The following TNS1 variants were observed in gnomAD, a reference collection of about 807,000 sequenced individuals.
The protein encoded by TNS1 is tensin 1, also known as tensin-1.
TNS1 carries 62 observed loss-of-function variants against 168.6 expected under a neutral mutation model. The ratio of observed to expected loss-of-function variants is 0.37; its 90% CI spans 0.30 to 0.45. The LOEUF is 0.45. Among genes scored for constraint, TNS1 ranks in the 20% least tolerant of loss-of-function variants. TNS1 has a pLI of 1.00. For synonymous variants in TNS1, 934 were observed against 933.2 expected (o/e 1.00, Z -0.02); for missense variants, 2,240 against 2,339.4 (o/e 0.96, Z 0.88).
chr2:218,024,594 T>C (rs1958836328), intron 1 of TNS1, among the ~76,000 whole-genome samples: 1 of 151,946 alleles, frequency 6.6e-6, no homozygotes, highest in Non-Finnish European at 1.5e-5. Context: ...CCAGCTTCAT[T>C]CCCCTAATGG....
At chr2:217,881,423 G>A (rs1020431176) in intron 17 of TNS1, 27 of 174,038 alleles carry the variant, frequency 1.6e-4, no homozygotes, top group Admixed American at 1.7e-4. Context: ...TATGAGCTAC[G>A]TGGGATCAGG....
Position 217,812,373 on chromosome 2 carries a change from T to C in TNS1, c.5027A>G (p.Asn1676Ser). The stretch of plus-strand genomic sequence containing the variant: ...CAGGAGTCTCACGTTCCTACCTCGG[T>C]TTGGAATGACCAGCTTGCAAGGCAG... Reference protein sequence around the residue: ...LALPCKLVIPNRDPTDESKDS... With the variant: ...LALPCKLVIPSRDPTDESKDS... The change falls in exon 28 of 33, where the codon AAC becomes AGC. Residue 1676 changes from asparagine to serine, a missense_variant. Asn to Ser is a conservative substitution (Grantham distance 46). Around this residue, in one of 2 missense-constraint regions of TNS1, gnomAD observed 2,131 missense variants for 2,171.2 expected, o/e 0.98. Transcript: ENST00000682258. 1.2e-6 allele frequency: 2 copies of C among 1,613,756 alleles called. No individual in the cohort carries two copies. Among genetic ancestry groups the C allele is most frequent in the Non-Finnish European group, 1.7e-6 (2 of 1,179,898 alleles).
chr2:217,852,269 C>T (rs143532132), intron 18 of TNS1, among the ~76,000 whole-genome samples: 2 of 152,224 alleles, frequency 1.3e-5, no homozygotes, highest in East Asian at 3.9e-4. Context: ...ACAAGTTGGC[C>T]GAAATCTGAA....
chr2:217,858,298 C>T (rs984847384), intron 18 of TNS1, among the ~76,000 whole-genome samples: 5 of 152,200 alleles, frequency 3.3e-5, no homozygotes, highest in South Asian at 4.1e-4. Flanking sequence ...CCACCAGGCC[C>T]GTCACATCCA....
At chr2:217,979,364 C>T (rs1479722833) in intron 2 of TNS1, among the ~76,000 whole-genome samples, 1 of 152,090 alleles carries the variant, frequency 6.6e-6, no homozygotes, top group African/African-American at 2.4e-5. Flanking sequence ...CGCACACACA[C>T]ACAGTCTCAC....
intron 2 of TNS1, among the ~76,000 whole-genome samples, chr2:217,984,442 G>A (rs1286792022): frequency 6.6e-6 from 1 of 151,834 alleles, no homozygotes; most frequent in African/African-American, 2.4e-5. Flanking sequence ...AAGGCAGGGG[G>A]GCACATAAGA....
At chr2:217,924,966 G>A (rs1955937233) in intron 3 of TNS1, among the ~76,000 whole-genome samples, 1 of 152,126 alleles carries the variant, frequency 6.6e-6, no homozygotes. Context: ...TATAAAGCTA[G>A]GGGTACACAA....
chr2:217,879,392 C>T, intron 18 of TNS1: 1 of 452,372 alleles, frequency 2.2e-6, no homozygotes, highest in Non-Finnish European at 4.4e-6. Flanking sequence ...AAATTCGCTC[C>T]AGCCTCTGCT....
intron 1 of TNS1, 48 bp downstream of exon 1, chr2:218,002,792 G>C (rs1194690982): frequency 2.2e-6 from 1 of 456,334 alleles, no homozygotes; most frequent in Admixed American, 2.4e-5. Flanking sequence ...GGTGGGGGGC[G>C]GGGGGTTTGA....
intron 6 of TNS1, among the ~76,000 whole-genome samples, chr2:217,903,402 C>T (rs1307042683): frequency 6.6e-6 from 1 of 152,212 alleles, no homozygotes; most frequent in Non-Finnish European, 1.5e-5. Flanking sequence ...GGGAAAACGA[C>T]TACAGGACTT....
At position 217,808,115 on chromosome 2, in the gene TNS1, G is replaced by A. The variant is rs755704834; in HGVS notation, c.5343-8C>T. The A allele has an allele frequency of 1.1e-5, 17 of 1,612,930 alleles. No homozygotes were observed. The highest frequency in any genetic ancestry group is 1.7e-5 in the Admixed American group (1 of 59,986). On this transcript the variant is annotated splice_region_variant and splice_polypyrimidine_tract_variant and intron_variant, in intron 31 of 32. Coordinates refer to ENST00000682258, the MANE Select transcript of TNS1 (RefSeq NM_001387777.1). Reference sequence around the variant, plus strand: ...CCCTCTGTTTTCATCCACCTGTGGAGAGAAAGTGGGCTCAGGGTAAATCAT... The same window carrying A: ...CCCTCTGTTTTCATCCACCTGTGGAAAGAAAGTGGGCTCAGGGTAAATCAT...
At chr2:217,824,267 G>T (rs894729456) in intron 22 of TNS1, among the ~76,000 whole-genome samples, 1 of 152,124 alleles carries the variant, frequency 6.6e-6, no homozygotes, top group Non-Finnish European at 1.5e-5. Context: ...GGAGCCGTGC[G>T]CCAGGACACA....
At chr2:217,927,233 G>A (rs1168661318) in intron 3 of TNS1, among the ~76,000 whole-genome samples, 1 of 152,218 alleles carries the variant, frequency 6.6e-6, no homozygotes, top group Non-Finnish European at 1.5e-5. Flanking sequence ...AAGGCATGGA[G>A]GTGGGAATGC....
intron 22 of TNS1, among the ~76,000 whole-genome samples, chr2:217,823,781 C>T (rs1943221829): frequency 6.6e-6 from 1 of 152,230 alleles, no homozygotes; most frequent in African/African-American, 2.4e-5. Flanking sequence ...GAGGTCTATT[C>T]TAGGTAGCAG....
intron 3 of TNS1, among the ~76,000 whole-genome samples, chr2:217,978,125 C>G (rs1433362712): frequency 6.6e-6 from 1 of 152,182 alleles, no homozygotes; most frequent in East Asian, 1.9e-4. Flanking sequence ...AACCAGGGCC[C>G]AGCAATCCCT....
upstream of TNS1, among the ~76,000 whole-genome samples, chr2:218,003,775 TTCCTCCC>T (rs1958616610): frequency 6.8e-6 from 1 of 147,446 alleles, no homozygotes; most frequent in South Asian, 2.2e-4. Context: ...ATTTCCCCAC[TTCCTCCC>T]CCTCCTCCCC....
At chr2:217,872,185 G>A (rs13407109) in intron 18 of TNS1, among the ~76,000 whole-genome samples, 4 of 152,014 alleles carry the variant, frequency 2.6e-5, no homozygotes, top group Non-Finnish European at 4.4e-5. Context: ...CTGAGGACAA[G>A]GAATGACACA....
At chr2:217,981,902 C>T (rs1244803008) in intron 2 of TNS1, among the ~76,000 whole-genome samples, 2 of 152,220 alleles carry the variant, frequency 1.3e-5, no homozygotes, top group Non-Finnish European at 2.9e-5. Flanking sequence ...GAAACTGTGG[C>T]AACCAGCCTT....
intron 6 of TNS1, chr2:217,905,297 T>C (rs1383486563): frequency 2.6e-6 from 1 of 385,926 alleles, no homozygotes; most frequent in South Asian, 1.9e-5. Context: ...CATGCATACC[T>C]TGAGCAGAAC....
Sources: gnomAD v4.1 joint callset for allele counts (sites outside exome capture counted in the v4.1 genomes callset) on GRCh38, gnomAD v4.1.1 for gene constraint, gnomAD v4.1.1 regional missense constraint, MANE v1.5 for transcripts, NCBI Gene and HGNC (gene_info 2026-07-23, HGNC 2026-07-21) for gene names.